The following DNAH17 variants were observed in gnomAD, a reference collection of about 807,000 sequenced individuals.
DNAH17 encodes the protein dynein axonemal heavy chain 17.
A neutral mutation model predicts 485.6 loss-of-function variants in DNAH17; 376 were observed. That is an observed-to-expected ratio of 0.77 (90% CI 0.71 to 0.84). The LOEUF (loss-of-function observed/expected upper bound fraction) is 0.84. Ranked by LOEUF, DNAH17 falls within the 40% of genes least tolerant of loss-of-function variation. The pLI, the probability that DNAH17 is intolerant of heterozygous loss-of-function variation, is 0.00. For synonymous variants in DNAH17, 3,031 were observed against 2,405.9 expected, an observed-to-expected ratio of 1.26 and a Z score of -7.60; for missense variants, 6,370 against 5,839.3, an observed-to-expected ratio of 1.09 and a Z score of -2.96.
At position 78,571,393 on chromosome 17, in the gene DNAH17, G is replaced by A. The variant is rs759467519; in HGVS notation, c.733-15C>T. ...GGTCTGTTTAGCTGAGAAGGGGAGT[G>A]AAGATCCACCTTTCATTGACCTGGA... On this transcript the variant is annotated splice_polypyrimidine_tract_variant and intron_variant, in intron 4 of 80. Coordinates refer to ENST00000389840, the MANE Select transcript of DNAH17 (RefSeq NM_173628.4). 1.9e-6 allele frequency: 3 copies of A among 1,599,292 alleles called. No individual in the cohort carries two copies. Among genetic ancestry groups the A allele is most frequent in the Admixed American group, 1.7e-5 (1 of 59,712 alleles).
chr17:78,443,156 GCTAA>G (rs1255105875), intron 71 of DNAH17, among the ~76,000 whole-genome samples: 1 of 152,172 alleles, frequency 6.6e-6, no homozygotes, highest in Non-Finnish European at 1.5e-5. Flanking sequence ...AGTCACACAG[GCTAA>G]CTTAGGCGAT....
chr17:78,573,117 G>A (rs1176030524), intron 2 of DNAH17, among the ~76,000 whole-genome samples: 2 of 152,124 alleles, frequency 1.3e-5, no homozygotes, highest in Non-Finnish European at 2.9e-5. Context: ...CGGTCATGGA[G>A]TTTATACCAG....
chr17:78,440,923 C>T, intron 72 of DNAH17, 128 bp downstream of exon 72: 2 of 1,135,140 alleles, frequency 1.8e-6, no homozygotes, highest in Non-Finnish European at 2.5e-6. Context: ...CATTGCCATC[C>T]TACCGGCGTG....
At chr17:78,466,616 GGGCTCTACAC>G in intron 56 of DNAH17, 29 bp downstream of exon 56, 1 of 1,568,980 alleles carries the variant, frequency 6.4e-7, no homozygotes, top group South Asian at 1.2e-5. Flanking sequence ...CTTGTCCTCT[GGGCTCTACAC>G]TCAGGCAGAG....
In DNAH17 at chr17:78,491,722, C is replaced by T. The variant is rs560772096; in HGVS notation, c.6542-152G>A. ...CCCTCGGGCATGAGGTGCCCAGGCT[C>T]CCTGCCCTCCGTTCTCTGTGGCCTC... On this transcript the variant is annotated intron_variant, in intron 42 of 80. Coordinates refer to ENST00000389840, the MANE Select transcript of DNAH17 (RefSeq NM_173628.4). 4.6e-5 allele frequency among the ~76,000 whole-genome samples: 7 copies of T among 152,312 alleles called. No individual in the cohort carries two copies. The South Asian group carries it at 1.4e-3, about 32-fold the overall frequency.
intron 48 of DNAH17, among the ~76,000 whole-genome samples, chr17:78,483,263 T>C (rs190930728): frequency 6.4e-4 from 97 of 152,326 alleles, no homozygotes; most frequent in African/African-American, 2.2e-3. Flanking sequence ...GTAGGCTTCC[T>C]ATAGTCGTGA....
chr17:78,548,787 G>A (rs1225567338), intron 16 of DNAH17, among the ~76,000 whole-genome samples: 1 of 152,246 alleles, frequency 6.6e-6, no homozygotes, highest in Non-Finnish European at 1.5e-5. Flanking sequence ...CTAAGCTGGG[G>A]AGCTAGATGC....
At position 78,494,822 on chromosome 17, in the gene DNAH17, T is replaced by C. The variant is rs772235644; in HGVS notation, c.6043-2A>G. On this transcript the variant is annotated splice_acceptor_variant, in intron 39 of 80. Coordinates refer to ENST00000389840, the MANE Select transcript of DNAH17 (RefSeq NM_173628.4). LOFTEE classifies it high-confidence loss of function. ...TCTCAGGCCCCAGTCGTAATGATCC[T>C]GCGGGCAGTGGGCACAGGTGGGCAG... 2.5e-6 allele frequency: 4 copies of C among 1,598,804 alleles called. No individual in the cohort carries two copies. Among genetic ancestry groups the C allele is most frequent in the Non-Finnish European group, 3.4e-6 (4 of 1,170,690 alleles).
chr17:78,485,489 G>A (rs2089561123), intron 47 of DNAH17, 61 bp downstream of exon 47: 5 of 1,492,498 alleles, frequency 3.4e-6, no homozygotes, highest in African/African-American at 1.4e-5. Flanking sequence ...GAGGGGACAG[G>A]AGGGAACGGG....
Position 78,495,096 on chromosome 17 carries a change from G to A in DNAH17, c.5905C>T (p.Pro1969Ser). Residue 1969 changes from proline (P) to serine (S), a missense_variant and splice_region_variant, in exon 39 of 81, where the codon CCC becomes TCC. By Grantham distance (74) the Pro-to-Ser change is moderately conservative (BLOSUM62 -1). Transcript: ENST00000389840. Reference protein sequence around the residue: ...LPENLKALFRPCAMVVPDFEL... With the variant: ...LPENLKALFRSCAMVVPDFEL... Reference sequence around the variant, plus strand: ...AAGTCGGGGACGACCATGGCACAGGGCCTGGGGAGGTCAGCGGTGCCTGTG... The same window carrying A: ...AAGTCGGGGACGACCATGGCACAGGACCTGGGGAGGTCAGCGGTGCCTGTG... 4 of 1,603,524 alleles carry A rather than the reference G, an allele frequency of 2.5e-6. No individual in the cohort carries two copies. Among genetic ancestry groups the A allele is most frequent in the Non-Finnish European group, 2.6e-6 (3 of 1,174,708 alleles).
chr17:78,524,216 C>A (rs1452894772), intron 25 of DNAH17, among the ~76,000 whole-genome samples: 1 of 152,192 alleles, frequency 6.6e-6, no homozygotes, highest in South Asian at 2.1e-4. Context: ...TGGCTCACTG[C>A]AACCTCTGCC....
At chr17:78,465,189 C>T (rs1343974854) in intron 56 of DNAH17, among the ~76,000 whole-genome samples, 2 of 152,226 alleles carry the variant, frequency 1.3e-5, no homozygotes, top group Non-Finnish European at 2.9e-5. Flanking sequence ...GCCTCGGCCT[C>T]CCGAGGTGCC....
chr17:78,465,698 C>T (rs1410352641), intron 56 of DNAH17, among the ~76,000 whole-genome samples: 2 of 150,770 alleles, frequency 1.3e-5, no homozygotes, highest in Non-Finnish European at 2.9e-5. Flanking sequence ...GCCCGGCAAC[C>T]GCCCCGTCTG....
intron 16 of DNAH17, among the ~76,000 whole-genome samples, chr17:78,545,283 C>T (rs1231858681): frequency 6.6e-6 from 1 of 152,160 alleles, no homozygotes; most frequent in Non-Finnish European, 1.5e-5. Flanking sequence ...TTTTTATTAG[C>T]AGTTTTATTG....
At chr17:78,476,780 G>C in intron 51 of DNAH17, 47 bp from the exon 52 acceptor site, 2 of 1,584,272 alleles carry the variant, frequency 1.3e-6, no homozygotes, top group East Asian at 2.3e-5. Context: ...TTACGAAGGC[G>C]AGCCCAGAGC....
At chr17:78,514,689 T>C (rs113812461) in intron 26 of DNAH17, 85 bp downstream of exon 26, 82,550 of 1,513,052 alleles carry the variant, frequency 0.055, 2,601 homozygotes, top group Non-Finnish European at 0.061. Flanking sequence ...CCTGAACACC[T>C]TGGCTAGGCA....
intron 77 of DNAH17, among the ~76,000 whole-genome samples, chr17:78,428,115 G>A (rs977654275): frequency 1.2e-4 from 18 of 152,276 alleles, no homozygotes; most frequent in Non-Finnish European, 1.6e-4. Context: ...GCCACTGAGC[G>A]GCTCTGGAGT....
chr17:78,441,205 G>A lies in DNAH17; in HGVS notation c.11529-6C>T, dbSNP rs1024751695. 5.6e-6 allele frequency: 9 copies of A among 1,613,566 alleles called. No homozygotes were observed. Among genetic ancestry groups the A allele is most frequent in the African/African-American group, 2.7e-5 (2 of 74,954 alleles). ...TCTTTTCCTCCACGAAGTTCCTAGGGGTGGAGTGCATCAGAGGCAGCGGAA... is the reference window on the plus strand; with the variant it reads ...TCTTTTCCTCCACGAAGTTCCTAGGAGTGGAGTGCATCAGAGGCAGCGGAA... On this transcript the variant is annotated splice_polypyrimidine_tract_variant and splice_region_variant and intron_variant, in intron 71 of 80. Transcript: ENST00000389840.
At chr17:78,568,947 G>C (rs2092310489) in intron 9 of DNAH17, among the ~76,000 whole-genome samples, 1 of 152,218 alleles carries the variant, frequency 6.6e-6, no homozygotes, top group Non-Finnish European at 1.5e-5. Flanking sequence ...GATAAGGGGA[G>C]AAGCACCCGA....
Sources: gnomAD v4.1 joint callset for allele counts (sites outside exome capture counted in the v4.1 genomes callset) on GRCh38, gnomAD v4.1.1 for gene constraint, MANE v1.5 for transcripts, NCBI Gene and HGNC (gene_info 2026-07-23, HGNC 2026-07-21) for gene names.